Variants in DIAPH2 observed in about 807,000 individuals in gnomAD.
DIAPH2 encodes diaphanous related formin 2, also known as protein diaphanous homolog 2.
A neutral mutation model predicts 92.7 loss-of-function variants in DIAPH2; 35 were observed. The ratio of observed to expected loss-of-function variants is 0.38; its 90% CI spans 0.29 to 0.50. The LOEUF (loss-of-function observed/expected upper bound fraction) is 0.50, where lower values mean the gene tolerates loss of function less well. DIAPH2 is among the 20% of genes least tolerant of loss of function. The pLI is 0.94. For synonymous variants in DIAPH2, 301 were observed against 280.4 expected (o/e 1.07, Z -0.73); for missense variants, 701 against 819.5 (o/e 0.86, Z 1.77).
chrX:97,080,113 T>TTTTG (rs1020266284), intron 19 of DIAPH2, among the ~76,000 whole-genome samples: 9 of 110,059 alleles, frequency 8.2e-5, no homozygotes, highest in African/African-American at 3.0e-4. Flanking sequence ...TTGTATTGTT[T>TTTTG]TTTGTTTGTT....
chrX:97,588,996 AATATATATATATATATAT>A lies in DIAPH2; in HGVS notation c.3242-10243_3242-10226del, dbSNP rs199558439. 3.5e-4 allele frequency among the ~76,000 whole-genome samples: 11 copies of A among 31,721 alleles called. 1 individual carries two copies. Among genetic ancestry groups the A allele is most frequent in the East Asian group, 4.0e-3 (2 of 497 alleles). 27.5% of individuals were successfully genotyped at this position (31,721 alleles called of 115,157 possible). A position where few individuals can be genotyped will look rare whatever the true frequency, so the allele number is the denominator to read the frequency against. ...ATGCCAAAAATTCAGATATTATAGA[AATATATATATATATATAT>A]ATATATATATATAAAAGAATCAGAT... On this transcript the variant is annotated intron_variant, in intron 26 of 26. Coordinates refer to ENST00000324765, the MANE Select transcript of DIAPH2 (RefSeq NM_006729.5).
chrX:97,509,265 T>G (rs1440729215), intron 26 of DIAPH2, among the ~76,000 whole-genome samples: 1 of 109,053 alleles, frequency 9.2e-6, no homozygotes, highest in Admixed American at 9.9e-5. Context: ...GAGGCTGGTG[T>G]TGAACTCCTG....
chrX:97,168,839 CAGAG>C (rs2067431287), intron 22 of DIAPH2, among the ~76,000 whole-genome samples: 1 of 112,134 alleles, frequency 8.9e-6, no homozygotes, highest in Non-Finnish European at 1.9e-5. Context: ...CTTCACATGT[CAGAG>C]AGAGCAGACA....
At chrX:97,352,870 C>CAAAAA (rs1176922373) in intron 24 of DIAPH2, among the ~76,000 whole-genome samples, 31 of 26,671 alleles carry the variant, frequency 1.2e-3, no homozygotes, top group Non-Finnish European at 1.5e-3. Context: ...AATCTGTCTC[C>CAAAAA]AAAAAAAAAA....
intron 26 of DIAPH2, among the ~76,000 whole-genome samples, chrX:97,565,800 A>T (rs374073260): frequency 1.8e-5 from 2 of 112,104 alleles, no homozygotes; most frequent in South Asian, 7.4e-4. Flanking sequence ...GTTTTTAGAG[A>T]TACAACACTT....
chrX:97,356,530 C>G (rs2069269082), intron 24 of DIAPH2, among the ~76,000 whole-genome samples: 1 of 111,833 alleles, frequency 8.9e-6, no homozygotes, highest in Admixed American at 9.6e-5. Context: ...GAATATTTGA[C>G]CGGAATACCT....
At chrX:97,447,847 G>C (rs939783045) in intron 26 of DIAPH2, among the ~76,000 whole-genome samples, 7 of 111,746 alleles carry the variant, frequency 6.3e-5, no homozygotes, top group African/African-American at 2.3e-4. Flanking sequence ...TCCCTCCCTT[G>C]TTTATTTCTT....
chrX:97,085,758 C>T (rs2066778886), intron 19 of DIAPH2, among the ~76,000 whole-genome samples: 1 of 111,799 alleles, frequency 8.9e-6, no homozygotes. Flanking sequence ...AATGGTGTGA[C>T]CCATTCAGAA....
At chrX:96,745,206 A>G (rs1396272202) in intron 3 of DIAPH2, among the ~76,000 whole-genome samples, 1 of 110,314 alleles carries the variant, frequency 9.1e-6, no homozygotes, top group Non-Finnish European at 1.9e-5. Flanking sequence ...GGTTTTCTCC[A>G]TGTTGGTAAG....
At chrX:96,884,538 C>T (rs781117315) in intron 5 of DIAPH2, 2 of 1,210,576 alleles carry the variant, frequency 1.7e-6, no homozygotes, top group Admixed American at 2.2e-5. Context: ...AGGTCTCCAT[C>T]GTGGGGGTAA....
rs753494604 is a variant in DIAPH2, at chrX:97,447,774, A to C, written c.3241+18029A>C. On this transcript the variant is annotated intron_variant, in intron 26 of 26. Coordinates refer to ENST00000324765, the MANE Select transcript of DIAPH2 (RefSeq NM_006729.5). Reference sequence around the variant, plus strand: ...GGGTTATAGGACTACAATGTGGCCAAATGAAAAGGTTTTTTAATTTGACTT... The same window carrying C: ...GGGTTATAGGACTACAATGTGGCCACATGAAAAGGTTTTTTAATTTGACTT... 8.0e-5 allele frequency among the ~76,000 whole-genome samples: 9 copies of C among 112,022 alleles called. No individual in the cohort carries two copies. The East Asian group carries it at 2.2e-3, about 28-fold the overall frequency.
At chrX:97,048,976 A>G (rs1010261058) in intron 17 of DIAPH2, among the ~76,000 whole-genome samples, 1 of 108,777 alleles carries the variant, frequency 9.2e-6, no homozygotes, top group African/African-American at 3.3e-5. Flanking sequence ...ACTCTCGCAC[A>G]ATCTTCTTTT....
Position 97,080,677 on chromosome X carries a change from G to A in DIAPH2, c.2247+5416G>A, listed in dbSNP as rs934496133. Among the ~76,000 whole-genome samples the A allele has an allele frequency of 9.0e-5, 10 of 111,377 alleles. No homozygotes were observed. In the East Asian group the frequency reaches 1.7e-3, roughly 19 times the overall value. On this transcript the variant is annotated intron_variant, in intron 19 of 26. Transcript: ENST00000324765. ...ACCGACAGAATAATCAGAATGACAC[G>A]AAGATCATCTAGTCCATTCCCCTGA...
chrX:97,047,247 G>C (rs1405480690), intron 17 of DIAPH2, among the ~76,000 whole-genome samples: 1 of 110,962 alleles, frequency 9.0e-6, no homozygotes, highest in Non-Finnish European at 1.9e-5. Context: ...TTACTTTATA[G>C]AACGATGACT....
At chrX:97,264,111 TG>T (rs1046041814) in intron 23 of DIAPH2, among the ~76,000 whole-genome samples, 6 of 109,037 alleles carry the variant, frequency 5.5e-5, no homozygotes, top group African/African-American at 1.7e-4. Context: ...TTTGTAAAGA[TG>T]GGGTTTCGCC....
chrX:97,561,553 A>G (rs963215627), intron 26 of DIAPH2, among the ~76,000 whole-genome samples: 15 of 112,513 alleles, frequency 1.3e-4, no homozygotes, highest in Non-Finnish European at 1.9e-5. Context: ...GGCATCACTA[A>G]TCACAATGCT....
intron 5 of DIAPH2, among the ~76,000 whole-genome samples, chrX:96,888,590 TA>T (rs1569421242): frequency 1.5e-4 from 15 of 98,494 alleles, no homozygotes; most frequent in Admixed American, 3.5e-4. Context: ...TCTATATATA[TA>T]CAGATATATA....
intron 26 of DIAPH2, among the ~76,000 whole-genome samples, chrX:97,500,896 TTCTTG>T (rs1399303917): frequency 2.9e-5 from 3 of 104,912 alleles, no homozygotes; most frequent in African/African-American, 1.0e-4. Flanking sequence ...TGAAATGGCA[TTCTTG>T]TCTTGTCTTG....
At chrX:97,504,412 T>A (rs1399006196) in intron 26 of DIAPH2, among the ~76,000 whole-genome samples, 2 of 112,724 alleles carry the variant, frequency 1.8e-5, no homozygotes, top group Non-Finnish European at 1.9e-5. Flanking sequence ...CCAATGTCGA[T>A]CCAATTATGC....
Sources: allele counts gnomAD v4.1 joint callset (sites outside exome capture counted in the v4.1 genomes callset), GRCh38; gene constraint gnomAD v4.1.1; transcripts MANE v1.5; gene names NCBI Gene and HGNC (gene_info 2026-07-23, HGNC 2026-07-21).